The following SNX25 variants were observed in gnomAD, a reference collection of about 807,000 sequenced individuals.
SNX25 encodes the protein sorting nexin-25.
A neutral mutation model predicts 113.7 loss-of-function variants in SNX25; 62 were observed. The observed-to-expected ratio is 0.55, with a 90% CI of 0.44 to 0.67. The LOEUF is 0.67. Among genes scored for constraint, SNX25 ranks in the 30% least tolerant of loss-of-function variants. The pLI, the probability that SNX25 is intolerant of heterozygous loss-of-function variation, is 0.00. For missense variants in SNX25, 1,014 were observed against 1,161.0 expected (o/e 0.87, Z 1.84); for synonymous variants, 421 against 436.2 (o/e 0.97, Z 0.43).
intron 8 of SNX25, 60 bp from the exon 9 acceptor site, chr4:185,323,468 A>G: frequency 6.7e-7 from 1 of 1,500,622 alleles, no homozygotes; most frequent in Non-Finnish European, 9.0e-7. Flanking sequence ...TAATTCAGAG[A>G]AAAATAATTT....
chr4:185,339,615 T>A, intron 11 of SNX25, 105 bp downstream of exon 11: 1 of 1,378,870 alleles, frequency 7.3e-7, no homozygotes, highest in Non-Finnish European at 9.7e-7. Flanking sequence ...CTTACACTCA[T>A]TCTTTTAGAC....
At chr4:185,315,721 A>G (rs2095068769) in intron 7 of SNX25, among the ~76,000 whole-genome samples, 1 of 151,806 alleles carries the variant, frequency 6.6e-6, no homozygotes, top group Admixed American at 6.6e-5. Flanking sequence ...CTAATACCAA[A>G]CCAGAGGAAA....
chr4:185,285,318 G>A lies in SNX25; in HGVS notation c.1092-2694G>A, dbSNP rs151308078. The stretch of plus-strand genomic sequence containing the variant: ...TGTCCTGAAAGCAAGGACCATATTG[G>A]TGGTGTTCATTTCTGTGTGTCTGGA... On this transcript the variant is annotated intron_variant, in intron 5 of 18. Transcript: ENST00000652585. Among the ~76,000 whole-genome samples, 695 of 152,256 alleles carry A rather than the reference G, an allele frequency of 4.6e-3. 7 individuals carry two copies. The highest frequency in any genetic ancestry group is 6.0e-3 in the Non-Finnish European group (407 of 68,020).
intron 1 of SNX25, among the ~76,000 whole-genome samples, chr4:185,215,122 G>T (rs910671416): frequency 2.0e-5 from 3 of 152,090 alleles, no homozygotes; most frequent in African/African-American, 7.2e-5. Flanking sequence ...CCAGCTACTC[G>T]GGAGGCTGAG....
At chr4:185,264,347 T>G (rs922606017) in intron 3 of SNX25, 91 bp from the exon 4 acceptor site, 1 of 1,208,896 alleles carries the variant, frequency 8.3e-7, no homozygotes, top group African/African-American at 1.5e-5. Flanking sequence ...ATAACCAATG[T>G]GTTTCTCATT....
At chr4:185,233,921 G>A (rs1742225658) in intron 1 of SNX25, among the ~76,000 whole-genome samples, 1 of 151,998 alleles carries the variant, frequency 6.6e-6, no homozygotes, top group Non-Finnish European at 1.5e-5. Context: ...GCAGTGGCGC[G>A]ATCTTGGCTC....
chr4:185,378,112 T>G, the SNX25 span: 19 of 1,613,970 alleles, frequency 1.2e-5, no homozygotes, highest in Non-Finnish European at 1.6e-5. Context: ...GGAAAAATTT[T>G]TGGTTTTTAG....
chr4:185,348,135 C>CA (rs1554011741), intron 13 of SNX25, among the ~76,000 whole-genome samples: 1 of 152,058 alleles, frequency 6.6e-6, no homozygotes, highest in Non-Finnish European at 1.5e-5. Context: ...ATAACAACCA[C>CA]TTTTTTTTCC....
intron 6 of SNX25, among the ~76,000 whole-genome samples, chr4:185,305,022 CCTT>C (rs1205600712): frequency 6.6e-6 from 1 of 152,114 alleles, no homozygotes; most frequent in East Asian, 1.9e-4. Context: ...TTTGCTCTAA[CCTT>C]CTTGTTAGAG....
chr4:185,294,038 G>T (rs1357853755), intron 6 of SNX25, among the ~76,000 whole-genome samples: 1 of 152,136 alleles, frequency 6.6e-6, no homozygotes, highest in Admixed American at 6.6e-5. Flanking sequence ...GATCGTGAAG[G>T]ACAACAGCCT....
intron 6 of SNX25, among the ~76,000 whole-genome samples, chr4:185,295,073 T>C (rs1752665279): frequency 2.0e-5 from 3 of 152,198 alleles, no homozygotes; most frequent in African/African-American, 7.2e-5. Flanking sequence ...TCAATAAGAA[T>C]GTGTTTCCCC....
chr4:185,318,572 A>G (rs965825877), intron 7 of SNX25, among the ~76,000 whole-genome samples: 1 of 152,226 alleles, frequency 6.6e-6, no homozygotes, highest in Non-Finnish European at 1.5e-5. Context: ...ACTGTAAACA[A>G]AAAGGCAGGG....
chr4:185,264,408 C>G (rs937744755), intron 3 of SNX25, 30 bp from the exon 4 acceptor site: 20 of 1,598,064 alleles, frequency 1.3e-5, no homozygotes, highest in Non-Finnish European at 1.7e-5. Context: ...CTAGAAACTT[C>G]TTTCCTTCTT....
At chr4:185,212,449 C>T in intron 1 of SNX25, among the ~76,000 whole-genome samples, 1 of 140,824 alleles carries the variant, frequency 7.1e-6, no homozygotes. Context: ...GCTGTATTTC[C>T]AATAATTTGT....
At chr4:185,280,051 T>G (rs1750353360) in intron 5 of SNX25, among the ~76,000 whole-genome samples, 1 of 152,080 alleles carries the variant, frequency 6.6e-6, no homozygotes. Context: ...CTCAGCCCAG[T>G]CCCAAGTAGC....
rs1560900959 is a variant in SNX25 at position 185,221,997 on chromosome 4, ATGGTAGATATATAGCACCATATATCCCT to A, written c.429+11743_429+11770del. On this transcript the variant is annotated intron_variant, in intron 1 of 18. Transcript: ENST00000652585. ...ATATAGCGCCATATACCCCTCCTTC[ATGGTAGATATATAGCACCATATATCCCT>A]CGTTCACTGTAGGTATACAGCACCA... is the stretch of plus-strand genomic sequence containing the variant. 9.5e-4 allele frequency among the ~76,000 whole-genome samples: 137 copies of A among 144,238 alleles called. 1 individual carries two copies. Among genetic ancestry groups the A allele is most frequent in the African/African-American group, 3.3e-3 (130 of 38,902 alleles). 94.6% of individuals were successfully genotyped at this position (144,238 alleles called of 152,430 possible).
chr4:185,239,622 T>G (rs1370317443), intron 1 of SNX25, among the ~76,000 whole-genome samples: 1 of 152,192 alleles, frequency 6.6e-6, no homozygotes, highest in African/African-American at 2.4e-5. Context: ...TTCAAATAGG[T>G]TTAAATCTTA....
At chr4:185,372,792 T>A, downstream of SNX25, 1 of 1,354,998 alleles carries the variant, frequency 7.4e-7, no homozygotes, top group Non-Finnish European at 1.0e-6. Context: ...AATTTCTGTT[T>A]CTCATAAATT....
intron 6 of SNX25, among the ~76,000 whole-genome samples, chr4:185,301,942 C>T (rs1753744332): frequency 6.6e-6 from 1 of 151,054 alleles, no homozygotes; most frequent in Non-Finnish European, 1.5e-5. Context: ...CTCTGTCACC[C>T]AGGCTGGAGT....
Sources: gnomAD v4.1 joint callset for allele counts (sites outside exome capture counted in the v4.1 genomes callset) on GRCh38, gnomAD v4.1.1 for gene constraint, MANE v1.5 for transcripts, NCBI Gene and HGNC (gene_info 2026-07-23, HGNC 2026-07-21) for gene names.